The following SAMD11 variants were observed in gnomAD, a reference collection of about 807,000 sequenced individuals.
SAMD11 encodes sterile alpha motif domain containing 11, also known as sterile alpha motif domain-containing protein 11.
A neutral mutation model predicts 64.4 loss-of-function variants in SAMD11; 77 were observed. The observed-to-expected ratio is 1.20, with a 90% CI of 0.99 to 1.44. The LOEUF (loss-of-function observed/expected upper bound fraction) is 1.44. Among genes scored for constraint, SAMD11 ranks in the 40% most tolerant of loss-of-function variants. The probability of loss-of-function intolerance (pLI) is 0.00; values close to 1 mark genes in which losing one functional copy is unlikely to be tolerated. For synonymous variants in SAMD11, 658 were observed against 421.9 expected, an observed-to-expected ratio of 1.56 and a Z score of -6.86; for missense variants, 1,402 against 943.3, an observed-to-expected ratio of 1.49 and a Z score of -6.37.
chr1:927,223 G>A lies in SAMD11; in HGVS notation c.609+1210G>A, dbSNP rs539068777. 7.9e-5 allele frequency among the ~76,000 whole-genome samples: 12 copies of A among 152,276 alleles called. No homozygotes were observed. In the South Asian group the frequency reaches 1.9e-3, roughly 24 times the overall value. On this transcript the variant is annotated intron_variant, in intron 2 of 13. Transcript: ENST00000616016. ...CCTGTCTGCTGTCACAGACCTACCC[G>A]GGGCAAGAGGCCCAGTTCCCTCCTT...
chr1:941,022 A>T (rs1641732747), intron 7 of SAMD11, 122 bp from the exon 8 acceptor site: 1 of 888,228 alleles, frequency 1.1e-6, no homozygotes, highest in Admixed American at 2.6e-5. Context: ...AGACCAGCCC[A>T]GGGGCCGAGC....
intron 4 of SAMD11, among the ~76,000 whole-genome samples, chr1:932,818 C>G (rs754861284): frequency 1.3e-5 from 2 of 152,260 alleles, no homozygotes; most frequent in Admixed American, 6.5e-5. Flanking sequence ...CCAGGCCGTC[C>G]TCCTCTGCCT....
intron 4 of SAMD11, among the ~76,000 whole-genome samples, chr1:935,064 G>A (rs906755629): frequency 1.3e-5 from 2 of 152,240 alleles, no homozygotes; most frequent in South Asian, 4.1e-4. Context: ...GTGGAGGGCC[G>A]TGCTCCACAC....
At chr1:939,759 G>A (rs903495641) in intron 7 of SAMD11, among the ~76,000 whole-genome samples, 1 of 152,108 alleles carries the variant, frequency 6.6e-6, no homozygotes, top group Admixed American at 6.5e-5. Context: ...TGGACCCTGT[G>A]GTCTGTGAGT....
chr1:925,884 C>T (rs1253891229), intron 1 of SAMD11, 38 bp from the exon 2 acceptor site: 7 of 1,478,210 alleles, frequency 4.7e-6, no homozygotes, highest in Non-Finnish European at 5.6e-6. Context: ...CAGAAGCGTG[C>T]CGCTCCCTCA....
At chr1:939,453 C>T (rs1461993822) in intron 7 of SAMD11, 41 bp downstream of exon 7, 1 of 1,600,216 alleles carries the variant, frequency 6.2e-7, no homozygotes, top group Non-Finnish European at 8.5e-7. Context: ...ATCACCTCCC[C>T]AGCCACGGTG....
At chr1:933,795 T>C (rs971000280) in intron 4 of SAMD11, among the ~76,000 whole-genome samples, 36 of 152,118 alleles carry the variant, frequency 2.4e-4, no homozygotes, top group African/African-American at 8.2e-4. Context: ...AGAGCCGTCA[T>C]CTAGGTCTCC....
chr1:944,090 G>C lies in SAMD11; in HGVS notation c.2472G>C (p.Lys824Asn), dbSNP rs575654453. The change falls in exon 14 of 14, where the codon AAG becomes AAC. Residue 824 changes from lysine (K) to asparagine (N), a missense_variant. Coordinates refer to ENST00000616016, the MANE Select transcript of SAMD11 (RefSeq NM_001385641.1). ...CCCTTGCCGGTCAAACTTCACCCAA[G>C]CAGGAGAATGGGACCTTGGCTCTAC... is the stretch of plus-strand genomic sequence containing the variant. ...GHALAGQTSP[K>N]QENGTLALLP... is the part of the protein sequence containing the mutation. The C allele has an allele frequency of 6.2e-7, 1 of 1,612,326 alleles. No individual in the cohort carries two copies.
chr1:928,130 ATG>A (rs1557599977), intron 2 of SAMD11, among the ~76,000 whole-genome samples: 5 of 151,968 alleles, frequency 3.3e-5, no homozygotes, highest in African/African-American at 7.2e-5. Flanking sequence ...GTGGTGGCGC[ATG>A]CCTGTAATCC....
chr1:943,284 G>A lies in SAMD11; in HGVS notation c.2085G>A (p.Glu695=), dbSNP rs370104927. The change falls in exon 12 of 14, where the codon GAG becomes GAA. Residue 695 remains glutamate (E), a synonymous_variant. Coordinates refer to ENST00000616016, the MANE Select transcript of SAMD11 (RefSeq NM_001385641.1). ...TAGGGGGACTCTCCATGGATGGGGA[G>A]GAGGCCCCAGCCCCTGAGGACGTCA... is the stretch of plus-strand genomic sequence containing the variant. The part of the protein sequence containing the change: ...GAVGGLSMDG[E]EAPAPEDVTK... The A allele has an allele frequency of 3.1e-4, 499 of 1,612,696 alleles. 1 individual carries two copies. The Middle Eastern group carries it at 4.6e-3, about 15-fold the overall frequency.
rs554507898 is a variant in SAMD11, at chr1:935,323, C to T, written c.843-449C>T. On this transcript the variant is annotated intron_variant, in intron 4 of 13. Transcript: ENST00000616016. ...ACTGTGGTCTGGGCCTCAGTTTCCT[C>T]GTGTGCAGAAATCGGGGGTCAGGGG... 2.4e-3 allele frequency among the ~76,000 whole-genome samples: 360 copies of T among 152,208 alleles called. 2 individuals are homozygous for T. Among genetic ancestry groups the T allele is most frequent in the African/African-American group, 7.8e-3 (323 of 41,496 alleles).
At chr1:926,696 G>A (rs1640906739) in intron 2 of SAMD11, among the ~76,000 whole-genome samples, 1 of 152,148 alleles carries the variant, frequency 6.6e-6, no homozygotes, top group Non-Finnish European at 1.5e-5. Flanking sequence ...TCTGCTCAGG[G>A]AGGCACCTGC....
rs937752028 is a variant in SAMD11 at position 940,215 on chromosome 1, C to T, written c.1195+803C>T. The T allele has an allele frequency of 4.6e-5, 7 of 150,718 alleles. No homozygotes were observed. The East Asian group carries it at 7.9e-4, about 17-fold the overall frequency. The allele number at this position is 150,718 out of a possible 1,614,324, so 9.3% of individuals were successfully genotyped here. On this transcript the variant is annotated intron_variant, in intron 7 of 13. Transcript: ENST00000616016. Reference sequence around the variant, plus strand: ...CTCCTTTTTAATTGCTTTCCCTGCTCTGCCTGGGGCCGCTCTGCTGGCCGC... The same window carrying T: ...CTCCTTTTTAATTGCTTTCCCTGCTTTGCCTGGGGCCGCTCTGCTGGCCGC...
In SAMD11 at chr1:944,112, C is replaced by A. The variant is rs547172192; in HGVS notation, c.2494C>A (p.Leu832Ile). The stretch of plus-strand genomic sequence containing the variant: ...CAAGCAGGAGAATGGGACCTTGGCT[C>A]TACTTCCAGGGGCCCCCGACCCTTC... ...SPKQENGTLA[L>I]LPGAPDPSQP... Residue 832 changes from leucine (L) to isoleucine (I), a missense_variant, in exon 14 of 14, where the codon CTA becomes ATA. Coordinates refer to ENST00000616016, the MANE Select transcript of SAMD11 (RefSeq NM_001385641.1). The A allele has an allele frequency of 6.2e-7, 1 of 1,606,170 alleles. No individual in the cohort carries two copies. The highest frequency in any genetic ancestry group is 1.7e-5 in the Admixed American group (1 of 59,426).
rs561795769 is a variant in SAMD11 at position 943,957 on chromosome 1, C to T, written c.2339C>T (p.Ala780Val). Residue 780 changes from alanine (A) to valine (V), a missense_variant, in exon 14 of 14, where the codon GCT becomes GTT. By Grantham distance (64) the Ala-to-Val change is moderately conservative. Coordinates refer to ENST00000616016, the MANE Select transcript of SAMD11 (RefSeq NM_001385641.1). ...RVFYVASFPVALPLQPPTLRA... is the reference protein window; with the variant it reads ...RVFYVASFPVVLPLQPPTLRA... ...TTCTACGTGGCCAGCTTCCCCGTGG[C>T]TCTGCCACTGCAGCCACCAACCCTG... 1.9e-6 allele frequency: 3 copies of T among 1,612,766 alleles called. No individual in the cohort carries two copies. Among genetic ancestry groups the T allele is most frequent in the African/African-American group, 2.7e-5 (2 of 75,050 alleles).
chr1:926,009 C>CGGTGGTGA lies in SAMD11; in HGVS notation c.607_609+5dup. The CGGTGGTGA allele has an allele frequency of 1.2e-6, 2 of 1,611,444 alleles. No individual in the cohort carries two copies. On this transcript the variant is annotated frameshift_variant, in exon 2 of 14. Coordinates refer to ENST00000616016, the MANE Select transcript of SAMD11 (RefSeq NM_001385641.1). LOFTEE classifies it high-confidence loss of function. ...TGCCCGGGCTGCCGAATATCCTCCCCGGTGGTGAGATGCGGGGCTCGGTTG... is the reference window on the plus strand; with the variant it reads ...TGCCCGGGCTGCCGAATATCCTCCCCGGTGGTGAGGTGGTGAGATGCGGGGCTCGGTTG...
rs148995812 is a variant in SAMD11, at chr1:939,291, G to C, written c.1074G>C (p.Pro358=). ...CCCCAGCAGAGGCGCTGCTGCTGCCGCGGGAGCTGGGGCCCAGCATGGCCC... is the reference window on the plus strand; with the variant it reads ...CCCCAGCAGAGGCGCTGCTGCTGCCCCGGGAGCTGGGGCCCAGCATGGCCC... The part of the protein sequence containing the change: ...SESPQEALLL[P]RELGPSMAPE... Residue 358 remains proline, a synonymous_variant, in exon 7 of 14, where the codon CCG becomes CCC. Coordinates refer to ENST00000616016, the MANE Select transcript of SAMD11 (RefSeq NM_001385641.1). 9.3e-6 allele frequency: 15 copies of C among 1,606,946 alleles called. No homozygotes were observed. The highest frequency in any genetic ancestry group is 1.3e-5 in the Non-Finnish European group (15 of 1,177,610).
chr1:935,954 G>T (rs4072383), intron 5 of SAMD11, 58 bp downstream of exon 5: 1,055,372 of 1,565,326 alleles, frequency 0.67, 364,762 homozygotes, highest in Non-Finnish European at 0.72. Context: ...GAGGACGGTG[G>T]CGTCTCCACT....
rs148386909 is a variant in SAMD11, at chr1:935,895, C to T, written c.966C>T (p.Ala322=). 6.2e-6 allele frequency: 10 copies of T among 1,612,378 alleles called. No homozygotes were observed. In the East Asian group the frequency reaches 8.9e-5, roughly 14 times the overall value. ...RGSLEIGLRP[A]GDLLGKRLGR... ...GCCTGGAGATTGGCCTGCGACCCGC[C>T]GGTGAGGAGCACAGGGGGCCTGAGG... The change falls in exon 5 of 14, where the codon GCC becomes GCT. Residue 322 remains alanine, a splice_region_variant and synonymous_variant. Coordinates refer to ENST00000616016, the MANE Select transcript of SAMD11 (RefSeq NM_001385641.1).
Sources: gnomAD v4.1 joint callset for allele counts (sites outside exome capture counted in the v4.1 genomes callset) on GRCh38, gnomAD v4.1.1 for gene constraint, MANE v1.5 for transcripts, NCBI Gene and HGNC (gene_info 2026-07-23, HGNC 2026-07-21) for gene names.